Variants in DPYD observed in about 807,000 individuals in gnomAD.
DPYD encodes dihydropyrimidine dehydrogenase.
DPYD carries 109 observed loss-of-function variants against 116.2 expected under a neutral mutation model. That is an observed-to-expected ratio of 0.94 (90% CI 0.80 to 1.10). The LOEUF is 1.10. Among genes scored for constraint, DPYD ranks in the 50% least tolerant of loss-of-function variants. DPYD has a pLI of 0.00. For missense variants in DPYD, 1,302 were observed against 1,254.5 expected (o/e 1.04, Z -0.57); for synonymous variants, 440 against 432.0 (o/e 1.02, Z -0.23).
At chr1:97,894,374 A>T (rs1008139581) in intron 1 of DPYD, among the ~76,000 whole-genome samples, 2 of 151,772 alleles carry the variant, frequency 1.3e-5, no homozygotes, top group African/African-American at 4.8e-5. Flanking sequence ...ATGAATTTTG[A>T]GGGGACATAA....
chr1:97,417,906 A>G (rs1378245967), intron 14 of DPYD, among the ~76,000 whole-genome samples: 1 of 152,218 alleles, frequency 6.6e-6, no homozygotes, highest in Non-Finnish European at 1.5e-5. Flanking sequence ...AGATGGATAC[A>G]GACATATTAA....
intron 3 of DPYD, among the ~76,000 whole-genome samples, chr1:97,818,803 C>T (rs1361438346): frequency 6.6e-6 from 1 of 151,600 alleles, no homozygotes; most frequent in East Asian, 1.9e-4. Context: ...GACATATACA[C>T]ACATTCATAT....
At chr1:97,852,264 G>T (rs781594289) in intron 2 of DPYD, among the ~76,000 whole-genome samples, 18 of 152,026 alleles carry the variant, frequency 1.2e-4, no homozygotes, top group Non-Finnish European at 2.1e-4. Context: ...TACCTGATTA[G>T]TGCTATTATA....
chr1:97,184,377 C>A (rs1384781589), intron 20 of DPYD, among the ~76,000 whole-genome samples: 1 of 152,074 alleles, frequency 6.6e-6, no homozygotes, highest in African/African-American at 2.4e-5. Flanking sequence ...ATTTGCACTT[C>A]CATTGACAGT....
At position 97,450,181 on chromosome 1, in the gene DPYD, T is replaced by C. The variant is rs765465250; in HGVS notation, c.1783A>G (p.Thr595Ala). Residue 595 changes from threonine (T) to alanine (A), a missense_variant, in exon 14 of 23, where the codon ACC becomes GCC. Coordinates refer to ENST00000370192, the MANE Select transcript of DPYD (RefSeq NM_000110.4). ...CCAGGGCCATACATGGGGCCAGAGG[T>C]GGTTCCCCGGATGATTCTGGGGGAA... ...NVSPRIIRGTTSGPMYGPGQS... is the reference protein window; with the variant it reads ...NVSPRIIRGTASGPMYGPGQS... 16 of 1,613,718 alleles carry C rather than the reference T, an allele frequency of 9.9e-6. No homozygotes were observed. The highest frequency in any genetic ancestry group is 1.4e-5 in the Non-Finnish European group (16 of 1,179,846).
intron 2 of DPYD, among the ~76,000 whole-genome samples, chr1:97,841,720 A>AT (rs998926935): frequency 1.1e-4 from 16 of 152,068 alleles, no homozygotes; most frequent in Non-Finnish European, 1.8e-4. Flanking sequence ...GAAAAAAAAA[A>AT]TGTTTGTTCC....
At chr1:97,500,169 T>C (rs1197744454) in intron 13 of DPYD, among the ~76,000 whole-genome samples, 1 of 151,974 alleles carries the variant, frequency 6.6e-6, no homozygotes, top group Non-Finnish European at 1.5e-5. Flanking sequence ...GAACTTTTAG[T>C]TTTAAAGGCA....
chr1:97,451,380 T>C (rs1676403898), intron 13 of DPYD, among the ~76,000 whole-genome samples: 2 of 152,210 alleles, frequency 1.3e-5, no homozygotes, highest in South Asian at 2.1e-4. Context: ...TTTCTTCACA[T>C]TGCATGTTAA....
chr1:97,410,860 T>TA (rs1673950035), intron 14 of DPYD, among the ~76,000 whole-genome samples: 1 of 152,140 alleles, frequency 6.6e-6, no homozygotes, highest in Non-Finnish European at 1.5e-5. Flanking sequence ...GAATTGATAT[T>TA]AAAAATTTTT....
chr1:97,214,339 A>G (rs906394631), intron 19 of DPYD, among the ~76,000 whole-genome samples: 8 of 152,198 alleles, frequency 5.3e-5, no homozygotes, highest in Non-Finnish European at 1.2e-4. Flanking sequence ...ATGGATTGTC[A>G]AGGTTTTCTC....
chr1:97,156,114 T>A (rs1655432652), intron 20 of DPYD, among the ~76,000 whole-genome samples: 1 of 152,188 alleles, frequency 6.6e-6, no homozygotes, highest in South Asian at 2.1e-4. Flanking sequence ...ATGTTTTAAA[T>A]AAAATGTTTA....
Position 97,527,224 on chromosome 1 carries a change from G to A in DPYD, c.1525-11283C>T, listed in dbSNP as rs531072217. 2.8e-4 allele frequency among the ~76,000 whole-genome samples: 43 copies of A among 152,056 alleles called. 1 individual carries two copies. The South Asian group carries it at 6.9e-3, about 24-fold the overall frequency. On this transcript the variant is annotated intron_variant, in intron 12 of 22. Transcript: ENST00000370192. ...CTCTCGAGTAGCTGGGACCACAGGCGCCTGCCACCACGCCCAGCTAATTTT... is the reference window on the plus strand; with the variant it reads ...CTCTCGAGTAGCTGGGACCACAGGCACCTGCCACCACGCCCAGCTAATTTT...
chr1:97,746,224 G>A (rs1348904446), intron 3 of DPYD, among the ~76,000 whole-genome samples: 1 of 152,146 alleles, frequency 6.6e-6, no homozygotes, highest in African/African-American at 2.4e-5. Flanking sequence ...ATTCTAGTCT[G>A]TAACATTTAT....
chr1:97,359,835 T>C (rs1570589813), intron 16 of DPYD, among the ~76,000 whole-genome samples: 1 of 152,108 alleles, frequency 6.6e-6, no homozygotes, highest in South Asian at 2.1e-4. Flanking sequence ...GAACAACCAG[T>C]ACCAGCCACT....
chr1:97,749,547 A>G (rs971335954), intron 3 of DPYD, among the ~76,000 whole-genome samples: 5 of 152,184 alleles, frequency 3.3e-5, no homozygotes, highest in Non-Finnish European at 7.4e-5. Flanking sequence ...TTAACAGAGA[A>G]ATACCTATAT....
At chr1:97,676,706 C>T (rs1172474469) in intron 8 of DPYD, among the ~76,000 whole-genome samples, 2 of 152,008 alleles carry the variant, frequency 1.3e-5, no homozygotes, top group Admixed American at 6.6e-5. Context: ...TCCAAGTAAC[C>T]GCCAGTTATA....
chr1:97,105,133 A>G (rs1244224935), intron 20 of DPYD, among the ~76,000 whole-genome samples: 1 of 152,160 alleles, frequency 6.6e-6, no homozygotes, highest in Non-Finnish European at 1.5e-5. Flanking sequence ...CATTTTTTAA[A>G]GTAAGTATTT....
intron 8 of DPYD, among the ~76,000 whole-genome samples, chr1:97,659,252 G>T (rs772790377): frequency 6.6e-6 from 1 of 152,114 alleles, no homozygotes; most frequent in Non-Finnish European, 1.5e-5. Flanking sequence ...CGTAATAACA[G>T]GTACCTAGAC....
At chr1:97,483,898 T>A (rs913584205) in intron 13 of DPYD, among the ~76,000 whole-genome samples, 3 of 151,852 alleles carry the variant, frequency 2.0e-5, no homozygotes, top group African/African-American at 7.3e-5. Flanking sequence ...AAAAAAAAAA[T>A]TATCTTCTTT....
Sources: allele counts gnomAD v4.1 joint callset (sites outside exome capture counted in the v4.1 genomes callset), GRCh38; gene constraint gnomAD v4.1.1; transcripts MANE v1.5; gene names NCBI Gene and HGNC (gene_info 2026-07-23, HGNC 2026-07-21).